Variants in VCP observed in about 807,000 individuals in gnomAD.
VCP encodes valosin containing protein.
In VCP, 6 loss-of-function variants were observed where a neutral mutation model predicts 85.7. The observed-to-expected ratio is 0.07, with a 90% CI of 0.04 to 0.14. The LOEUF (loss-of-function observed/expected upper bound fraction) is 0.14. VCP is among the 10% of genes least tolerant of loss of function. The pLI is 1.00. For missense variants in VCP, 353 were observed against 1,043.4 expected, an observed-to-expected ratio of 0.34 and a Z score of 9.12; for synonymous variants, 384 against 367.1, an observed-to-expected ratio of 1.05 and a Z score of -0.53.
rs375262833 is a variant in VCP, at chr9:35,061,132, C to T, written c.1242G>A (p.Leu414=). ...TGGCTTGCAGAGCAGCCTCTGAGCA[C>T]AGGGCTGCTAAGTCAGCACCCACAT... The part of the protein sequence containing the change: ...HGHVGADLAA[L]CSEAALQAIR... The change falls in exon 11 of 17, where the codon CTG becomes CTA. Residue 414 remains leucine (L), a synonymous_variant. Coordinates refer to ENST00000358901, the MANE Select transcript of VCP (RefSeq NM_007126.5). 171 of 1,613,924 alleles carry T rather than the reference C, an allele frequency of 1.1e-4. No individual in the cohort carries two copies. Among genetic ancestry groups the T allele is most frequent in the Non-Finnish European group, 1.4e-4 (169 of 1,180,040 alleles).
Position 35,059,485 on chromosome 9 carries a change from G to A in VCP, c.2004+8C>T. 1.9e-6 allele frequency: 3 copies of A among 1,613,710 alleles called. No homozygotes were observed. The highest frequency in any genetic ancestry group is 2.5e-6 in the Non-Finnish European group (3 of 1,180,020). ...CAAGTCTCCCACAGCCCATGATCTTGCACCTGCCTTGGCAACTGGGGACTT... is the reference window on the plus strand; with the variant it reads ...CAAGTCTCCCACAGCCCATGATCTTACACCTGCCTTGGCAACTGGGGACTT... On this transcript the variant is annotated splice_region_variant and intron_variant, in intron 14 of 16. Transcript: ENST00000358901. The surrounding 1 kb of genome is among the most constrained non-coding windows in gnomAD (Gnocchi z 4.9).
chr9:35,061,187 G>A lies in VCP; in HGVS notation c.1195-8C>T, dbSNP rs1828714208. 5.6e-6 allele frequency: 9 copies of A among 1,612,740 alleles called. No homozygotes were observed. Among genetic ancestry groups the A allele is most frequent in the Non-Finnish European group, 6.8e-6 (8 of 1,180,014 alleles). Reference sequence around the variant, plus strand: ...GTGAGTCTCATTGGCTACCTGCAGAGAAAGATCTACTTACTATGCTGCCTC... The same window carrying A: ...GTGAGTCTCATTGGCTACCTGCAGAAAAAGATCTACTTACTATGCTGCCTC... On this transcript the variant is annotated splice_region_variant and splice_polypyrimidine_tract_variant and intron_variant, in intron 10 of 16. Transcript: ENST00000358901.
intron 3 of VCP, 71 bp downstream of exon 3, chr9:35,067,820 C>T (rs1587130072): frequency 1.3e-5 from 21 of 1,600,754 alleles, no homozygotes; most frequent in Non-Finnish European, 1.7e-5. Flanking sequence ...GCCTGTAATA[C>T]ATGGGTCCTG....
intron 4 of VCP, among the ~76,000 whole-genome samples, chr9:35,066,069 T>C (rs936446280): frequency 6.6e-6 from 1 of 151,178 alleles, no homozygotes; most frequent in African/African-American, 2.4e-5. Flanking sequence ...GAGGTTGCAG[T>C]GAGCCGAGAT....
chr9:35,068,172 A>G, intron 2 of VCP, 79 bp downstream of exon 2: 1 of 1,606,124 alleles, frequency 6.2e-7, no homozygotes, highest in South Asian at 1.1e-5. Flanking sequence ...AGTCACTGCA[A>G]GAAAAATGAG....
intron 1 of VCP, chr9:35,071,790 G>A (rs1828951235): frequency 3.0e-6 from 3 of 989,010 alleles, no homozygotes; most frequent in Non-Finnish European, 3.6e-6. Flanking sequence ...CAAAAAGGCG[G>A]CTGTGAGCTT....
intron 12 of VCP, 64 bp downstream of exon 12, chr9:35,060,737 G>A: frequency 6.2e-7 from 1 of 1,613,418 alleles, no homozygotes. Context: ...TTGACACCCT[G>A]AGATCACCCA....
chr9:35,071,752 C>T (rs1828949897), intron 1 of VCP: 5 of 989,738 alleles, frequency 5.1e-6, no homozygotes, highest in Non-Finnish European at 6.0e-6. Flanking sequence ...ACAGAGGATG[C>T]CCACCTCCGG....
At chr9:35,057,664 T>G in intron 15 of VCP, 134 bp from the exon 16 acceptor site, 1 of 1,225,006 alleles carries the variant, frequency 8.2e-7, no homozygotes, top group Non-Finnish European at 1.2e-6. Context: ...TAGGCCATGC[T>G]TCCTAAAATT....
At chr9:35,058,187 T>C (rs1291434415) in intron 15 of VCP, among the ~76,000 whole-genome samples, 2 of 152,090 alleles carry the variant, frequency 1.3e-5, no homozygotes, top group Non-Finnish European at 2.9e-5. Flanking sequence ...TGTGACTACC[T>C]CCTAGGATTA....
intron 5 of VCP, among the ~76,000 whole-genome samples, chr9:35,064,553 G>A (rs1828790895): frequency 6.6e-6 from 1 of 151,972 alleles, no homozygotes; most frequent in Non-Finnish European, 1.5e-5. Context: ...TCCTCTAAAG[G>A]GATCCGGCCT....
chr9:35,062,411 A>G, intron 7 of VCP, 61 bp from the exon 8 acceptor site: 6 of 1,612,514 alleles, frequency 3.7e-6, no homozygotes, highest in Non-Finnish European at 5.1e-6. Flanking sequence ...TCCTCCCAAA[A>G]ATCAGTTATC....
Position 35,056,804 on chromosome 9 carries a change from CT to C in VCP, c.*312del. ...TTACTGTGGCAGGTGGCAGTAGTGC[CT>C]TGGTTCACACCCCACACAGGTCCCC... On this transcript the variant is annotated 3_prime_UTR_variant, in exon 17 of 17. Transcript: ENST00000358901. 2.6e-6 allele frequency: 1 copy of C among 386,320 alleles called. No homozygotes were observed. Among genetic ancestry groups the C allele is most frequent in the Non-Finnish European group, 5.0e-6 (1 of 201,106 alleles). 23.9% of individuals were successfully genotyped at this position (386,320 alleles called of 1,614,324 possible). A position where few individuals can be genotyped will look rare whatever the true frequency, so the allele number is the denominator to read the frequency against.
intron 6 of VCP, among the ~76,000 whole-genome samples, chr9:35,063,475 G>A (rs1236953666): frequency 1.3e-5 from 2 of 152,144 alleles, no homozygotes; most frequent in South Asian, 2.1e-4. Flanking sequence ...ATTGCCAGAG[G>A]ATCACTCACT....
At position 35,057,470 on chromosome 9, in the gene VCP, G is replaced by A. The variant is rs764036918; in HGVS notation, c.2221C>T (p.Arg741Cys). The A allele has an allele frequency of 5.0e-6, 8 of 1,614,044 alleles. No homozygotes were observed. Among genetic ancestry groups the A allele is most frequent in the East Asian group, 2.2e-5 (1 of 44,892 alleles). ...IRRDHFEEAM[R>C]FARRSVSDND... ...TCACTGACAGAACGGCGCGCAAAGC[G>A]CATGGCTTCTTCAAAGTGATCTCGA... is the stretch of plus-strand genomic sequence containing the variant. The change falls in exon 16 of 17, where the codon CGC (arginine) becomes TGC (cysteine). Residue 741 changes from arginine to cysteine, a missense_variant. Arg to Cys is a radical substitution (Grantham distance 180). This residue lies in a region of VCP where 93 missense variants were observed against 197.1 expected (regional missense o/e 0.47). Coordinates refer to ENST00000358901, the MANE Select transcript of VCP (RefSeq NM_007126.5).
In VCP at chr9:35,067,482, T is replaced by C. The variant is rs538458489; in HGVS notation, c.302+409A>G. 6.0e-4 allele frequency among the ~76,000 whole-genome samples: 91 copies of C among 152,260 alleles called. 1 individual carries two copies. The South Asian group carries it at 0.017, about 29-fold the overall frequency. On this transcript the variant is annotated intron_variant, in intron 3 of 16. Coordinates refer to ENST00000358901, the MANE Select transcript of VCP (RefSeq NM_007126.5). ...AGACCTGCTAGCAGCTCACCTTCCA[T>C]GCCCATACCCCCACCTCATTCCAAC...
chr9:35,071,668 C>T, intron 1 of VCP: 2 of 977,496 alleles, frequency 2.0e-6, no homozygotes, highest in Non-Finnish European at 2.4e-6. Flanking sequence ...AACAACAGGC[C>T]TAAAGTAAGA....
chr9:35,068,112 A>G (rs1828869135), intron 2 of VCP, 49 bp from the exon 3 acceptor site: 6 of 1,612,608 alleles, frequency 3.7e-6, no homozygotes, highest in Non-Finnish European at 5.1e-6. Flanking sequence ...GACGGGGAGT[A>G]AGCAGCAGCC....
At chr9:35,062,492 AC>A in intron 7 of VCP, 142 bp from the exon 8 acceptor site, 1 of 1,308,054 alleles carries the variant, frequency 7.6e-7, no homozygotes, top group Non-Finnish European at 1.1e-6. Flanking sequence ...CACATCCTCT[AC>A]CAGCCATTAT....
Sources: allele counts gnomAD v4.1 joint callset (sites outside exome capture counted in the v4.1 genomes callset), GRCh38; gene constraint gnomAD v4.1.1; regional missense constraint gnomAD v4.1.1; non-coding constraint Gnocchi (gnomAD v3.1); transcripts MANE v1.5; gene names NCBI Gene and HGNC (gene_info 2026-07-23, HGNC 2026-07-21).